ACMSD: variants seen among roughly 807,000 people sequenced by gnomAD.
ACMSD encodes the protein aminocarboxymuconate semialdehyde decarboxylase, also known as 2-amino-3-carboxymuconate-6-semialdehyde decarboxylase.
Under a neutral mutation model 45.9 loss-of-function variants are expected in ACMSD, and 37 were observed. That is an observed-to-expected ratio of 0.81 (90% CI 0.62 to 1.06). ACMSD has a LOEUF of 1.06. Among genes scored for constraint, ACMSD ranks in the 50% least tolerant of loss-of-function variants. The probability of loss-of-function intolerance (pLI) is 0.00; values close to 1 mark genes in which losing one functional copy is unlikely to be tolerated. For missense variants in ACMSD, 434 were observed against 420.9 expected (o/e 1.03, Z -0.27); for synonymous variants, 138 against 148.8 (o/e 0.93, Z 0.53).
chr2:134,870,090 T>C (rs1338230550), intron 6 of ACMSD, among the ~76,000 whole-genome samples: 1 of 152,204 alleles, frequency 6.6e-6, no homozygotes, highest in East Asian at 1.9e-4. Flanking sequence ...CTGTGAAGCC[T>C]AGCTCCGCAG....
At chr2:134,872,699 C>G in intron 8 of ACMSD, 58 bp downstream of exon 8, 1 of 1,584,850 alleles carries the variant, frequency 6.3e-7, no homozygotes, top group South Asian at 1.1e-5. Context: ...CATCAGCAAC[C>G]CATTCTCTCT....
intron 8 of ACMSD, among the ~76,000 whole-genome samples, chr2:134,897,158 AAAG>A (rs1241051029): frequency 6.6e-6 from 1 of 152,172 alleles, no homozygotes; most frequent in African/African-American, 2.4e-5. Context: ...CTCAAAAAAA[AAAG>A]AAAAGGGGAT....
At position 134,873,463 on chromosome 2, in the gene ACMSD, C is replaced by T. The variant is rs887775033; in HGVS notation, c.849+822C>T. On this transcript the variant is annotated intron_variant, in intron 8 of 9. Transcript: ENST00000356140. The stretch of plus-strand genomic sequence containing the variant: ...ATCTATAGAAGATTTCCACATTTTC[C>T]CAAGGGAAAAATCTTTGGGGTTAAA... 3.3e-5 allele frequency: 5 copies of T among 152,138 alleles called. No individual in the cohort carries two copies. In the East Asian group the frequency reaches 9.7e-4, roughly 29 times the overall value. 9.4% of individuals were successfully genotyped at this position (152,138 alleles called of 1,614,324 possible).
chr2:134,888,096 TGATAGGAAATGTTCATAAAGC>T (rs1370959904), intron 8 of ACMSD, among the ~76,000 whole-genome samples: 17 of 152,150 alleles, frequency 1.1e-4, no homozygotes, highest in Admixed American at 1.1e-3. Context: ...AGCCACAGAA[TGATAGGAAATGTTCATAAAGC>T]ATATATATGA....
At chr2:134,845,552 T>C (rs1203125904) in intron 2 of ACMSD, among the ~76,000 whole-genome samples, 1 of 131,568 alleles carries the variant, frequency 7.6e-6, no homozygotes, top group Non-Finnish European at 1.6e-5. Flanking sequence ...TCTCTCTCTC[T>C]CTCCCCTCTC....
In ACMSD at chr2:134,838,696, T is replaced by A. The variant is rs199786838; in HGVS notation, c.14T>A (p.Ile5Asn). Residue 5 changes from isoleucine to asparagine, a missense_variant, in exon 1 of 10, where the codon ATC becomes AAC. Ile to Asn is a moderately radical substitution (Grantham distance 149). Transcript: ENST00000356140. The stretch of plus-strand genomic sequence containing the variant: ...GATCCTGTGGAGATGAAAATTGACA[T>A]CCATAGTCATATTCTACCAAAAGAA... MKID[I>N]HSHILPKEWP... 3.1e-6 allele frequency: 5 copies of A among 1,607,282 alleles called. No homozygotes were observed. Among genetic ancestry groups the A allele is most frequent in the Non-Finnish European group, 4.2e-6 (5 of 1,176,910 alleles).
chr2:134,855,058 C>T (rs1687517803), intron 2 of ACMSD, among the ~76,000 whole-genome samples: 1 of 151,656 alleles, frequency 6.6e-6, no homozygotes, highest in Non-Finnish European at 1.5e-5. Context: ...TTCACCATCA[C>T]CCCTCTCCTC....
intron 8 of ACMSD, among the ~76,000 whole-genome samples, chr2:134,889,262 T>C (rs1464897294): frequency 2.0e-5 from 3 of 152,146 alleles, no homozygotes; most frequent in African/African-American, 4.8e-5. Flanking sequence ...TAGAAAGATA[T>C]GGAAATATAG....
At chr2:134,854,944 T>C (rs1285940101) in intron 2 of ACMSD, among the ~76,000 whole-genome samples, 2 of 152,236 alleles carry the variant, frequency 1.3e-5, no homozygotes, top group East Asian at 1.9e-4. Flanking sequence ...TTTGGCACTC[T>C]GCTATACTGG....
chr2:134,885,201 AT>A (rs1429318061), intron 8 of ACMSD, among the ~76,000 whole-genome samples: 2 of 132,320 alleles, frequency 1.5e-5, no homozygotes, highest in African/African-American at 2.9e-5. Context: ...GTCTCAAAAA[AT>A]ATATACATAT....
chr2:134,885,349 AAT>A (rs1319628085), intron 8 of ACMSD, among the ~76,000 whole-genome samples: 11 of 104,962 alleles, frequency 1.0e-4, no homozygotes, highest in East Asian at 5.3e-4. Context: ...ATTTATATAT[AAT>A]ATATATTTAC....
intron 4 of ACMSD, among the ~76,000 whole-genome samples, chr2:134,862,463 C>A (rs1278168582): frequency 6.6e-6 from 1 of 152,116 alleles, no homozygotes; most frequent in African/African-American, 2.4e-5. Context: ...GATGCCCTTT[C>A]CCAAGTGAAT....
At chr2:134,872,239 G>A (rs950083951) in intron 7 of ACMSD, among the ~76,000 whole-genome samples, 10 of 152,156 alleles carry the variant, frequency 6.6e-5, no homozygotes, top group African/African-American at 2.4e-4. Context: ...TTATAGGTGT[G>A]AGCCATTGTG....
intron 7 of ACMSD, among the ~76,000 whole-genome samples, chr2:134,872,161 G>A (rs1688485835): frequency 6.6e-6 from 1 of 152,068 alleles, no homozygotes; most frequent in Non-Finnish European, 1.5e-5. Context: ...GTTTCACTGT[G>A]TTAGCCAGGA....
At chr2:134,884,646 T>C (rs538927740) in intron 8 of ACMSD, among the ~76,000 whole-genome samples, 3 of 152,294 alleles carry the variant, frequency 2.0e-5, no homozygotes, top group East Asian at 1.9e-4. Context: ...CAGATGTAAG[T>C]AGACATAACT....
At chr2:134,843,320 C>G (rs1388235223) in intron 1 of ACMSD, among the ~76,000 whole-genome samples, 1 of 152,130 alleles carries the variant, frequency 6.6e-6, no homozygotes, top group African/African-American at 2.4e-5. Context: ...CTGCTGATGT[C>G]ACTGGGGAAG....
chr2:134,845,191 G>C, intron 1 of ACMSD, 42 bp from the exon 2 acceptor site: 1 of 1,613,262 alleles, frequency 6.2e-7, no homozygotes, highest in Non-Finnish European at 8.5e-7. Context: ...TTGCAGCCTG[G>C]TCTTTGCTCT....
chr2:134,871,336 C>T (rs1048650470), intron 7 of ACMSD, among the ~76,000 whole-genome samples: 1 of 152,016 alleles, frequency 6.6e-6, no homozygotes, highest in African/African-American at 2.4e-5. Context: ...CCTCATGTAA[C>T]CTTAATTATC....
chr2:134,872,704 C>T lies in ACMSD; in HGVS notation c.849+63C>T, dbSNP rs952589554. The T allele has an allele frequency of 3.2e-6, 5 of 1,575,824 alleles. No homozygotes were observed. In the African/African-American group the frequency reaches 4.0e-5, roughly 13 times the overall value. ...CAGAATGCTGCATCAGCAACCCATT[C>T]TCTCTCCTTTGGCCTCTCTCCAAAA... On this transcript the variant is annotated intron_variant, in intron 8 of 9. Coordinates refer to ENST00000356140, the MANE Select transcript of ACMSD (RefSeq NM_138326.3).
Sources: gnomAD v4.1 joint callset for allele counts (sites outside exome capture counted in the v4.1 genomes callset) on GRCh38, gnomAD v4.1.1 for gene constraint, MANE v1.5 for transcripts, NCBI Gene and HGNC (gene_info 2026-07-23, HGNC 2026-07-21) for gene names.